MEIS1: variants seen among roughly 807,000 people sequenced by gnomAD.
MEIS1 encodes Meis homeobox 1.
In MEIS1, 5 loss-of-function variants were observed where a neutral mutation model predicts 50.8. That is an observed-to-expected ratio of 0.10 (90% CI 0.05 to 0.21). The LOEUF (loss-of-function observed/expected upper bound fraction) is 0.21. MEIS1 is among the 10% of genes least tolerant of loss of function. The probability of loss-of-function intolerance (pLI) is 1.00; values close to 1 mark genes in which losing one functional copy is unlikely to be tolerated. For synonymous variants in MEIS1, 176 were observed against 179.3 expected (o/e 0.98, Z 0.15); for missense variants, 318 against 517.3 (o/e 0.61, Z 3.74).
intron 12 of MEIS1, 137 bp downstream of exon 12, chr2:66,569,282 A>G: frequency 1.4e-6 from 1 of 707,786 alleles, no homozygotes; most frequent in South Asian, 1.9e-5. Context: ...TGCTTCCATC[A>G]TTTTCTTTTT....
chr2:66,473,403 T>C (rs944239049), intron 7 of MEIS1, among the ~76,000 whole-genome samples: 1 of 119,458 alleles, frequency 8.4e-6, no homozygotes, highest in Non-Finnish European at 1.6e-5. Flanking sequence ...AAAAAATATA[T>C]ATATATATAT....
chr2:66,490,291 C>T (rs960183801), intron 7 of MEIS1, among the ~76,000 whole-genome samples: 5 of 152,104 alleles, frequency 3.3e-5, no homozygotes, highest in Non-Finnish European at 7.4e-5. Context: ...ACTGTGTAGC[C>T]GGATTTGGAG....
intron 6 of MEIS1, among the ~76,000 whole-genome samples, chr2:66,446,098 C>G (rs1345897668): frequency 2.6e-5 from 4 of 152,136 alleles, no homozygotes; most frequent in Non-Finnish European, 5.9e-5. Context: ...GAGGTCCCGG[C>G]TGCGACCCCG....
Position 66,571,569 on chromosome 2 carries a change from C to T in MEIS1, c.*361C>T, listed in dbSNP as rs1355616743. On this transcript the variant is annotated 3_prime_UTR_variant, in exon 13 of 13. Coordinates refer to ENST00000272369, the MANE Select transcript of MEIS1 (RefSeq NM_002398.3). ...CATTGTCTGCAATGGTGACTGATTT[C>T]AAATCATGTTTTTTCTGCAATGACT... 18 of 1,548,462 alleles carry T rather than the reference C, an allele frequency of 1.2e-5. No homozygotes were observed. Among genetic ancestry groups the T allele is most frequent in the Non-Finnish European group, 1.6e-5 (18 of 1,145,764 alleles).
intron 7 of MEIS1, among the ~76,000 whole-genome samples, chr2:66,504,031 C>T (rs1408778340): frequency 6.6e-6 from 1 of 151,912 alleles, no homozygotes; most frequent in Non-Finnish European, 1.5e-5. Flanking sequence ...AAGTGTGAGC[C>T]ACCGCGCCCA....
At position 66,454,538 on chromosome 2, in the gene MEIS1, T is replaced by C. The variant is rs77645255; in HGVS notation, c.631-9571T>C. Reference sequence around the variant, plus strand: ...ACAAATACTTCATGCTGAGGTCTTGTTGCTTTCGGGATGTTATTATCTACT... The same window carrying C: ...ACAAATACTTCATGCTGAGGTCTTGCTGCTTTCGGGATGTTATTATCTACT... On this transcript the variant is annotated intron_variant, in intron 6 of 12. Transcript: ENST00000272369. 7.5e-3 allele frequency among the ~76,000 whole-genome samples: 1,139 copies of C among 152,226 alleles called. 35 individuals carry two copies. Among genetic ancestry groups the C allele is most frequent in the Admixed American group, 0.053 (805 of 15,290 alleles).
At chr2:66,486,455 A>G (rs998347266) in intron 7 of MEIS1, among the ~76,000 whole-genome samples, 16 of 152,136 alleles carry the variant, frequency 1.1e-4, no homozygotes, top group African/African-American at 3.6e-4. Flanking sequence ...CCATTGGTCT[A>G]TATATCTGCT....
Position 66,548,029 on chromosome 2 carries a change from T to C in MEIS1, c.965+10T>C. On this transcript the variant is annotated intron_variant, in intron 9 of 12. Transcript: ENST00000272369. Reference sequence around the variant, plus strand: ...TTCAAGTGAACAATTGGTAAGTAATTTGGCTTTGTGTTTACACACAATCTG... The same window carrying C: ...TTCAAGTGAACAATTGGTAAGTAATCTGGCTTTGTGTTTACACACAATCTG... 1 of 1,612,254 alleles carries C rather than the reference T, an allele frequency of 6.2e-7. No homozygotes were observed. Among genetic ancestry groups the C allele is most frequent in the African/African-American group, 1.3e-5 (1 of 74,970 alleles).
At chr2:66,456,689 G>A (rs1341361358) in intron 6 of MEIS1, among the ~76,000 whole-genome samples, 5 of 152,222 alleles carry the variant, frequency 3.3e-5, no homozygotes, top group Non-Finnish European at 4.4e-5. Context: ...AAAGGTAAGC[G>A]AGTGAGGGAG....
chr2:66,477,225 T>G (rs544172421), intron 7 of MEIS1, among the ~76,000 whole-genome samples: 1 of 152,226 alleles, frequency 6.6e-6, no homozygotes, highest in East Asian at 1.9e-4. Context: ...GTTGCAGAAC[T>G]TTACTTAGGC....
At chr2:66,502,244 AGGCAGG>A (rs1191566443) in intron 7 of MEIS1, among the ~76,000 whole-genome samples, 1 of 152,160 alleles carries the variant, frequency 6.6e-6, no homozygotes, top group Non-Finnish European at 1.5e-5. Context: ...TCCCAAATAT[AGGCAGG>A]GGTAAATGGC....
At chr2:66,514,498 T>A (rs138526276) in intron 8 of MEIS1, among the ~76,000 whole-genome samples, 40 of 152,314 alleles carry the variant, frequency 2.6e-4, no homozygotes, top group Non-Finnish European at 1.6e-4. Context: ...TAGTCTTCAG[T>A]TTTGAGGTCT....
At chr2:66,520,207 G>A (rs1189730690) in intron 8 of MEIS1, among the ~76,000 whole-genome samples, 2 of 152,006 alleles carry the variant, frequency 1.3e-5, no homozygotes, top group African/African-American at 4.8e-5. Context: ...GGGCGCGGTG[G>A]CTCATGTCTG....
At position 66,455,003 on chromosome 2, in the gene MEIS1, A is replaced by G. The variant is rs188412681; in HGVS notation, c.631-9106A>G. On this transcript the variant is annotated intron_variant, in intron 6 of 12. Transcript: ENST00000272369. ...ACTCTATGAACTACAATTTATAGGTATGATTTCAAGAAGCACCTGGAGTCA... is the reference window on the plus strand; with the variant it reads ...ACTCTATGAACTACAATTTATAGGTGTGATTTCAAGAAGCACCTGGAGTCA... Among the ~76,000 whole-genome samples the G allele has an allele frequency of 1.2e-4, 19 of 152,306 alleles. No homozygotes were observed. In the East Asian group the frequency reaches 3.3e-3, roughly 26 times the overall value.
At chr2:66,509,029 G>A in intron 7 of MEIS1, 1 of 471,288 alleles carries the variant, frequency 2.1e-6, no homozygotes, top group South Asian at 1.5e-5. Flanking sequence ...CTCCAAGTTT[G>A]TTTAGTGATC....
Position 66,435,406 on chromosome 2 carries a change from G to T in MEIS1, c.-451G>T, listed in dbSNP as rs1671775868. On this transcript the variant is annotated 5_prime_UTR_variant, in exon 1 of 13. It adds an upstream start codon to the 5' untranslated region. Coordinates refer to ENST00000272369, the MANE Select transcript of MEIS1 (RefSeq NM_002398.3). ...TGTGCATTTGAATATTAACATTTGA[G>T]GTGTTCTGACCAGAAGAAGACAGAG... The T allele has an allele frequency of 4.1e-6, 1 of 241,880 alleles. No individual in the cohort carries two copies. The highest frequency in any genetic ancestry group is 7.8e-6 in the Non-Finnish European group (1 of 127,818). 15.0% of individuals were successfully genotyped at this position (241,880 alleles called of 1,614,324 possible). A position where few individuals can be genotyped will look rare whatever the true frequency, so the allele number is the denominator to read the frequency against.
chr2:66,524,091 T>C (rs1013939682), intron 8 of MEIS1, among the ~76,000 whole-genome samples: 13 of 152,302 alleles, frequency 8.5e-5, no homozygotes, highest in African/African-American at 3.1e-4. Flanking sequence ...ATTATCCTGG[T>C]CATTGGAGGA....
At chr2:66,491,659 A>G (rs1673276198) in intron 7 of MEIS1, among the ~76,000 whole-genome samples, 1 of 152,166 alleles carries the variant, frequency 6.6e-6, no homozygotes, top group East Asian at 1.9e-4. Context: ...TGTTTTCAGA[A>G]TCAATCTATC....
intron 6 of MEIS1, among the ~76,000 whole-genome samples, chr2:66,462,814 A>G (rs1672550718): frequency 6.6e-6 from 1 of 152,216 alleles, no homozygotes. Flanking sequence ...GGGTCATATT[A>G]TACATGAGTC....
Sources: gnomAD v4.1 joint callset for allele counts (sites outside exome capture counted in the v4.1 genomes callset) on GRCh38, gnomAD v4.1.1 for gene constraint, MANE v1.5 for transcripts, NCBI Gene and HGNC (gene_info 2026-07-23, HGNC 2026-07-21) for gene names.